The following AUH variants were observed in gnomAD, a reference collection of about 807,000 sequenced individuals.
AUH encodes methylglutaconyl-CoA hydratase, mitochondrial.
A neutral mutation model predicts 42.3 loss-of-function variants in AUH; 29 were observed. The ratio of observed to expected loss-of-function variants is 0.69; its 90% confidence interval spans 0.51 to 0.93. The LOEUF (loss-of-function observed/expected upper bound fraction) is 0.93, where lower values mean the gene tolerates loss of function less well. AUH is among the 40% of genes least tolerant of loss of function. The pLI, the probability that AUH is intolerant of heterozygous loss-of-function variation, is 0.00. For missense variants in AUH, 452 were observed against 438.1 expected (o/e 1.03, Z -0.28); for synonymous variants, 174 against 166.4 (o/e 1.05, Z -0.35).
intron 3 of AUH, among the ~76,000 whole-genome samples, chr9:91,355,501 A>G (rs1030511851): frequency 1.7e-4 from 26 of 152,184 alleles, no homozygotes; most frequent in Middle Eastern, 3.4e-3. Context: ...GGGTTGCAGT[A>G]AGCGAAGATC....
intron 3 of AUH, among the ~76,000 whole-genome samples, chr9:91,354,232 A>G (rs1398677501): frequency 6.6e-6 from 1 of 152,074 alleles, no homozygotes; most frequent in Non-Finnish European, 1.5e-5. Context: ...CATCATATAC[A>G]CTGAATTACT....
intron 6 of AUH, among the ~76,000 whole-genome samples, chr9:91,290,903 A>G (rs1826820394): frequency 6.6e-6 from 1 of 152,130 alleles, no homozygotes; most frequent in Admixed American, 6.5e-5. Context: ...ACATCACCAA[A>G]AAGTCGCTGT....
chr9:91,310,787 A>C (rs896025155), intron 4 of AUH, among the ~76,000 whole-genome samples: 3 of 152,236 alleles, frequency 2.0e-5, no homozygotes, highest in Non-Finnish European at 4.4e-5. Flanking sequence ...GTGGTTACCA[A>C]AACATTAAAG....
At chr9:91,231,402 C>T (rs1332542550) in intron 6 of AUH, among the ~76,000 whole-genome samples, 3 of 152,210 alleles carry the variant, frequency 2.0e-5, no homozygotes, top group Non-Finnish European at 2.9e-5. Flanking sequence ...AATGCCTCGC[C>T]CTGCTTCGGC....
At chr9:91,257,304 C>T (rs1352164172) in intron 6 of AUH, among the ~76,000 whole-genome samples, 1 of 151,676 alleles carries the variant, frequency 6.6e-6, no homozygotes, top group Non-Finnish European at 1.5e-5. Context: ...TGGGCACTGC[C>T]AGAGACGAGT....
At chr9:91,300,527 C>T (rs1770641495) in intron 4 of AUH, among the ~76,000 whole-genome samples, 1 of 152,204 alleles carries the variant, frequency 6.6e-6, no homozygotes, top group African/African-American at 2.4e-5. Context: ...CCTAATTAAT[C>T]TCCTTCACCT....
intron 1 of AUH, among the ~76,000 whole-genome samples, chr9:91,356,978 A>G (rs1323976093): frequency 2.0e-5 from 3 of 152,238 alleles, no homozygotes; most frequent in Non-Finnish European, 2.9e-5. Context: ...TTTGCAACTG[A>G]GCTAAACTGA....
chr9:91,337,380 T>C (rs1182653794), intron 3 of AUH, among the ~76,000 whole-genome samples: 1 of 152,172 alleles, frequency 6.6e-6, no homozygotes, highest in African/African-American at 2.4e-5. Flanking sequence ...TTTGTTCTGG[T>C]GCCCTCCCAA....
At chr9:91,338,785 A>T (rs1830885542) in intron 3 of AUH, among the ~76,000 whole-genome samples, 1 of 152,242 alleles carries the variant, frequency 6.6e-6, no homozygotes, top group South Asian at 2.1e-4. Flanking sequence ...AAATAGTTGA[A>T]CAAATAGGTA....
chr9:91,250,293 C>T (rs1829055222), intron 6 of AUH, among the ~76,000 whole-genome samples: 5 of 152,148 alleles, frequency 3.3e-5, no homozygotes, highest in Admixed American at 3.3e-4. Flanking sequence ...GTTTTTCTCA[C>T]TCCTCTGAAA....
intron 6 of AUH, among the ~76,000 whole-genome samples, chr9:91,288,839 A>AGCAG (rs1564067838): frequency 1.3e-5 from 2 of 152,190 alleles, no homozygotes; most frequent in East Asian, 3.8e-4. Context: ...AAACTACATG[A>AGCAG]TAGCAGTGGT....
At chr9:91,327,332 A>G (rs1487015685) in intron 3 of AUH, among the ~76,000 whole-genome samples, 2 of 152,192 alleles carry the variant, frequency 1.3e-5, no homozygotes, top group Non-Finnish European at 2.9e-5. Flanking sequence ...GGTTTGAGAG[A>G]GTCCATAAAC....
intron 6 of AUH, among the ~76,000 whole-genome samples, chr9:91,256,060 C>T (rs538328788): frequency 6.6e-6 from 1 of 152,150 alleles, no homozygotes; most frequent in Non-Finnish European, 1.5e-5. Flanking sequence ...ATCTTAGAAA[C>T]AACAAAGATT....
chr9:91,316,223 A>T (rs1804668521), intron 4 of AUH, among the ~76,000 whole-genome samples: 1 of 152,148 alleles, frequency 6.6e-6, no homozygotes, highest in Admixed American at 6.5e-5. Context: ...CAAGATGAGG[A>T]ATTTTTTTTA....
At chr9:91,341,897 T>A (rs1332635890) in intron 3 of AUH, among the ~76,000 whole-genome samples, 1 of 152,134 alleles carries the variant, frequency 6.6e-6, no homozygotes, top group African/African-American at 2.4e-5. Context: ...CTATTTAAGA[T>A]GACATTAGAG....
chr9:91,352,927 G>A (rs1353306941), intron 3 of AUH, among the ~76,000 whole-genome samples: 1 of 152,112 alleles, frequency 6.6e-6, no homozygotes, highest in African/African-American at 2.4e-5. Context: ...CATTTGCTAA[G>A]CTTTAAATAT....
At chr9:91,324,825 G>GA (rs1422646261) in intron 4 of AUH, among the ~76,000 whole-genome samples, 1 of 149,738 alleles carries the variant, frequency 6.7e-6, no homozygotes, top group African/African-American at 2.4e-5. Context: ...TATGTACAAG[G>GA]GTATTCACTA....
intron 1 of AUH, among the ~76,000 whole-genome samples, chr9:91,359,438 A>G (rs889849143): frequency 3.9e-5 from 6 of 152,154 alleles, no homozygotes; most frequent in African/African-American, 1.4e-4. Flanking sequence ...TGTTGGAGCT[A>G]TTCTACATAA....
chr9:91,318,654 C>CT (rs1308406772), intron 4 of AUH, among the ~76,000 whole-genome samples: 1 of 152,218 alleles, frequency 6.6e-6, no homozygotes, highest in Non-Finnish European at 1.5e-5. Flanking sequence ...GACAGCAAGA[C>CT]TGACTGCGAC....
Sources: gnomAD v4.1 joint callset for allele counts (sites outside exome capture counted in the v4.1 genomes callset) on GRCh38, gnomAD v4.1.1 for gene constraint, MANE v1.5 for transcripts, NCBI Gene and HGNC (gene_info 2026-07-23, HGNC 2026-07-21) for gene names.